Variants in DCDC2C observed in about 807,000 individuals in gnomAD.
The protein encoded by DCDC2C is doublecortin domain-containing protein 2C.
In DCDC2C, 44 loss-of-function variants were observed where a neutral mutation model predicts 45.0. The observed-to-expected ratio is 0.98, with a 90% confidence interval of 0.77 to 1.26. The LOEUF is 1.26. DCDC2C is among the 50% of genes most tolerant of loss of function. The pLI is 0.00. For synonymous variants in DCDC2C, 187 were observed against 178.8 expected, an observed-to-expected ratio of 1.05 and a Z score of -0.37; for missense variants, 447 against 468.9, an observed-to-expected ratio of 0.95 and a Z score of 0.43.
At position 3,704,050 on chromosome 2, in the gene DCDC2C, C is replaced by T; in HGVS notation, c.287+12C>T. 1 of 1,249,350 alleles carries T rather than the reference C, an allele frequency of 8.0e-7. No homozygotes were observed. Among genetic ancestry groups the T allele is most frequent in the East Asian group, 3.2e-5 (1 of 31,594 alleles). 77.4% of individuals were successfully genotyped at this position (1,249,350 alleles called of 1,614,324 possible). On this transcript the variant is annotated intron_variant, in intron 1 of 10. Transcript: ENST00000399143. ...TTCAAGGAGCTCGAGTAAGTGCGCC[C>T]GCGCCCCCCACGCGCCCTGCGCCCC...
chr2:3,753,576 A>G (rs1056590445), intron 5 of DCDC2C, among the ~76,000 whole-genome samples: 2 of 152,208 alleles, frequency 1.3e-5, no homozygotes, highest in African/African-American at 2.4e-5. Context: ...TTCAATGATC[A>G]TTATCTCGAG....
chr2:3,755,799 T>G (rs1302066419), intron 6 of DCDC2C, among the ~76,000 whole-genome samples: 1 of 152,118 alleles, frequency 6.6e-6, no homozygotes, highest in East Asian at 1.9e-4. Flanking sequence ...GGTGTGTATA[T>G]GGATACATAT....
intron 10 of DCDC2C, among the ~76,000 whole-genome samples, chr2:3,830,013 G>A (rs1671914266): frequency 6.6e-6 from 1 of 152,246 alleles, no homozygotes; most frequent in Non-Finnish European, 1.5e-5. Context: ...GCATCTGAAT[G>A]TTAGTGCCAT....
intron 10 of DCDC2C, among the ~76,000 whole-genome samples, chr2:3,835,147 C>T (rs947879263): frequency 2.6e-5 from 4 of 152,204 alleles, no homozygotes; most frequent in Non-Finnish European, 5.9e-5. Flanking sequence ...ATCTGTGACA[C>T]CAGCCACTCT....
At chr2:3,811,640 G>A (rs2148213688) in intron 10 of DCDC2C, among the ~76,000 whole-genome samples, 1 of 152,284 alleles carries the variant, frequency 6.6e-6, no homozygotes, top group African/African-American at 2.4e-5. Flanking sequence ...GTGAGGGAGG[G>A]CACCCTTGGC....
Position 3,769,379 on chromosome 2 carries a change from C to A in DCDC2C, c.922C>A (p.His308Asn). Residue 308 changes from histidine to asparagine, a missense_variant, in exon 8 of 11, where the codon CAC (histidine) becomes AAC (asparagine). Coordinates refer to ENST00000399143, the MANE Select transcript of DCDC2C (RefSeq NM_001287444.2). ...AGGGGCGCTGGACGTCAAAGAGGAG[C>A]ACAATGTGCAGCTGGAGGTGCCTGT... ...TQGALDVKEEHNVQLEVPVDQ... is the reference protein window; with the variant it reads ...TQGALDVKEENNVQLEVPVDQ... 6.4e-7 allele frequency: 1 copy of A among 1,550,576 alleles called. No homozygotes were observed. The highest frequency in any genetic ancestry group is 8.7e-7 in the Non-Finnish European group (1 of 1,146,986).
In DCDC2C at chr2:3,813,292, G is replaced by A. The variant is rs146906335; in HGVS notation, c.1065+28192G>A. Among the ~76,000 whole-genome samples, 1,226 of 151,586 alleles carry A rather than the reference G, an allele frequency of 8.1e-3. 8 individuals carry two copies. Among genetic ancestry groups the A allele is most frequent in the Admixed American group, 0.019 (295 of 15,212 alleles). On this transcript the variant is annotated intron_variant, in intron 10 of 10. Transcript: ENST00000399143. ...TCACCATGTTGGCCAAGATGGTCTC[G>A]ATCTGACCTCGTGATCTGCCTGCCT... is the stretch of plus-strand genomic sequence containing the variant.
chr2:3,738,456 A>T (rs1401874529), intron 3 of DCDC2C, among the ~76,000 whole-genome samples: 1 of 150,732 alleles, frequency 6.6e-6, no homozygotes, highest in Non-Finnish European at 1.5e-5. Context: ...GAGATAGTGA[A>T]ATTAAATTGA....
At chr2:3,704,259 C>T in intron 1 of DCDC2C, 1 of 403,320 alleles carries the variant, frequency 2.5e-6, no homozygotes, top group Non-Finnish European at 4.3e-6. Flanking sequence ...GGGTCCCTTC[C>T]TATGGGGCAG....
At chr2:3,845,677 G>A (rs1007906852) in intron 10 of DCDC2C, among the ~76,000 whole-genome samples, 1 of 150,726 alleles carries the variant, frequency 6.6e-6, no homozygotes, top group Admixed American at 6.6e-5. Context: ...CTTTGATTTG[G>A]CTCCATTCTA....
At position 3,726,549 on chromosome 2, in the gene DCDC2C, T is replaced by C. The variant is rs1331656875; in HGVS notation, c.340-454T>C. On this transcript the variant is annotated intron_variant, in intron 2 of 10. Coordinates refer to ENST00000399143, the MANE Select transcript of DCDC2C (RefSeq NM_001287444.2). ...AGAAGGCGGAGGGGCTCCCGCCTCC[T>C]GGCCAGGACATTCTGGTTGGAGTCT... is the stretch of plus-strand genomic sequence containing the variant. 2.0e-5 allele frequency among the ~76,000 whole-genome samples: 3 copies of C among 152,194 alleles called. No homozygotes were observed. The East Asian group carries it at 5.8e-4, about 29-fold the overall frequency.
intron 4 of DCDC2C, among the ~76,000 whole-genome samples, chr2:3,744,600 G>A (rs1669308427): frequency 6.6e-6 from 1 of 152,210 alleles, no homozygotes; most frequent in Non-Finnish European, 1.5e-5. Flanking sequence ...GATGGTAGAC[G>A]CTGTGGTGGA....
chr2:3,738,026 AT>A (rs1162889093), intron 3 of DCDC2C, among the ~76,000 whole-genome samples: 2 of 152,194 alleles, frequency 1.3e-5, no homozygotes, highest in African/African-American at 4.8e-5. Flanking sequence ...GTAAATATAT[AT>A]TTTTAAGAGA....
chr2:3,771,914 A>G (rs999750472), intron 8 of DCDC2C, among the ~76,000 whole-genome samples: 1 of 152,186 alleles, frequency 6.6e-6, no homozygotes, highest in Non-Finnish European at 1.5e-5. Context: ...TTAGTGAAGG[A>G]CGGTTTGGCC....
Position 3,778,857 on chromosome 2 carries a change from G to C in DCDC2C, c.996G>C (p.Glu332Asp). The change falls in exon 9 of 11, where the codon GAG becomes GAC. Residue 332 changes from glutamate to aspartate, a missense_variant. By Grantham distance (45) the Glu-to-Asp change is conservative. Transcript: ENST00000399143. ...EIVKEDEEIH[E>D]NTPDFEGNKD... is the part of the protein sequence containing the mutation. ...TTAAAGAAGATGAAGAGATACATGA[G>C]AACACCCCTGATTTTGAGGGCAACA... The C allele has an allele frequency of 1.3e-6, 2 of 1,551,062 alleles. No homozygotes were observed. The highest frequency in any genetic ancestry group is 1.7e-6 in the Non-Finnish European group (2 of 1,147,096).
intron 4 of DCDC2C, among the ~76,000 whole-genome samples, chr2:3,742,534 C>T (rs78239401): frequency 0.018 from 2,697 of 151,940 alleles, 77 homozygotes; most frequent in African/African-American, 0.062. Context: ...GGGGGTCTGG[C>T]GTGGAGCAAA....
chr2:3,819,614 G>A (rs991132495), intron 10 of DCDC2C, among the ~76,000 whole-genome samples: 2 of 152,180 alleles, frequency 1.3e-5, no homozygotes, highest in African/African-American at 4.8e-5. Flanking sequence ...AATGCATATT[G>A]AGAATAAGAC....
intron 10 of DCDC2C, among the ~76,000 whole-genome samples, chr2:3,815,004 C>T (rs1009686170): frequency 1.3e-5 from 2 of 152,246 alleles, no homozygotes; most frequent in African/African-American, 4.8e-5. Flanking sequence ...GCTGCCCCTA[C>T]CCGAAGGAGC....
intron 7 of DCDC2C, chr2:3,769,087 G>A (rs949542810): frequency 1.4e-5 from 7 of 487,278 alleles, no homozygotes; most frequent in East Asian, 3.4e-5. Context: ...AAAAGCAGAC[G>A]GGGCTAAAAT....
Sources: gnomAD v4.1 joint callset for allele counts (sites outside exome capture counted in the v4.1 genomes callset) on GRCh38, gnomAD v4.1.1 for gene constraint, MANE v1.5 for transcripts, NCBI Gene and HGNC (gene_info 2026-07-23, HGNC 2026-07-21) for gene names.